Variants in TRRAP observed in about 807,000 individuals in gnomAD.
TRRAP encodes transformation/transcription domain-associated protein.
In TRRAP, 41 loss-of-function variants were observed where a neutral mutation model predicts 438.8. The ratio of observed to expected loss-of-function variants is 0.09; its 90% confidence interval spans 0.07 to 0.12. TRRAP has a LOEUF of 0.12. Ranked by LOEUF, TRRAP falls within the 10% of genes least tolerant of loss-of-function variation. The pLI, the probability that TRRAP is intolerant of heterozygous loss-of-function variation, is 1.00. For synonymous variants in TRRAP, 1,994 were observed against 1,962.9 expected (o/e 1.02, Z -0.42); for missense variants, 3,122 against 5,055.1 (o/e 0.62, Z 11.60).
intron 59 of TRRAP, 147 bp downstream of exon 59, chr7:98,982,107 C>T: frequency 1.3e-6 from 1 of 782,588 alleles, no homozygotes; most frequent in Non-Finnish European, 1.9e-6. Context: ...TACGCGTCCT[C>T]AGGAAAGGAA....
chr7:98,950,810 T>C, intron 38 of TRRAP, 66 bp from the exon 39 acceptor site: 1 of 1,460,486 alleles, frequency 6.8e-7, no homozygotes, highest in Non-Finnish European at 9.0e-7. Flanking sequence ...TAGCTGTTCT[T>C]CCCGTCTTAA....
chr7:98,949,857 C>T lies in TRRAP; in HGVS notation c.5135+16C>T, dbSNP rs530012785. 43 of 1,607,080 alleles carry T rather than the reference C, an allele frequency of 2.7e-5. 3 individuals are homozygous for T. The highest frequency in any genetic ancestry group is 2.4e-4 in the South Asian group (22 of 89,804). On this transcript the variant is annotated intron_variant, in intron 37 of 72. Coordinates refer to ENST00000456197, the MANE Select transcript of TRRAP (RefSeq NM_001375524.1). Reference sequence around the variant, plus strand: ...ACTACTGCAAGTGGGTGCCTCCTCCCGCCCTGCCCCGCGGGACTGGCTCTG... The same window carrying T: ...ACTACTGCAAGTGGGTGCCTCCTCCTGCCCTGCCCCGCGGGACTGGCTCTG...
intron 69 of TRRAP, among the ~76,000 whole-genome samples, chr7:99,007,747 C>T (rs1375629000): frequency 1.3e-5 from 2 of 151,974 alleles, no homozygotes; most frequent in South Asian, 4.1e-4. Flanking sequence ...CTCCTGGGCT[C>T]AAGCGATTCT....
Position 98,892,203 on chromosome 7 carries a change from A to G in TRRAP, c.262-221A>G, listed in dbSNP as rs575858416. On this transcript the variant is annotated intron_variant, in intron 4 of 72. Transcript: ENST00000456197. ...AATTGGCTTAGTCGATTTGGTACAGAGTTGTAGAAATACTGAAAATGATCA... is the reference window on the plus strand; with the variant it reads ...AATTGGCTTAGTCGATTTGGTACAGGGTTGTAGAAATACTGAAAATGATCA... 2.6e-5 allele frequency among the ~76,000 whole-genome samples: 4 copies of G among 152,290 alleles called. No individual in the cohort carries two copies. In the South Asian group the frequency reaches 8.3e-4, roughly 32 times the overall value.
rs782532431 is a variant in TRRAP at position 98,935,694 on chromosome 7, A to G, written c.4111+19A>G. The G allele has an allele frequency of 3.2e-6, 5 of 1,575,510 alleles. No individual in the cohort carries two copies. The highest frequency in any genetic ancestry group is 3.4e-5 in the Admixed American group (2 of 59,426). ...GCATTAAGTAAGTTAATGAAAATCT[A>G]CGGGGTATAAAAGTGAAAGGAGACT... On this transcript the variant is annotated intron_variant, in intron 28 of 72. Coordinates refer to ENST00000456197, the MANE Select transcript of TRRAP (RefSeq NM_001375524.1).
intron 20 of TRRAP, among the ~76,000 whole-genome samples, chr7:98,919,543 A>G (rs1789687912): frequency 1.3e-5 from 2 of 152,226 alleles, no homozygotes; most frequent in South Asian, 4.1e-4. Context: ...TTGAGGCTAC[A>G]GTGAGACATG....
chr7:98,892,647 A>G, intron 5 of TRRAP, 119 bp downstream of exon 5: 1 of 818,480 alleles, frequency 1.2e-6, no homozygotes, highest in Non-Finnish European at 1.9e-6. Flanking sequence ...TCCAAGTCAC[A>G]TGAGTAAAAA....
At chr7:98,940,171 A>G (rs974963711) in intron 30 of TRRAP, among the ~76,000 whole-genome samples, 17 of 151,098 alleles carry the variant, frequency 1.1e-4, no homozygotes, top group Admixed American at 2.6e-4. Context: ...GATGTGAGCC[A>G]TTGTGCCTGG....
chr7:98,909,590 C>G (rs1796965196), intron 14 of TRRAP, among the ~76,000 whole-genome samples: 1 of 152,192 alleles, frequency 6.6e-6, no homozygotes, highest in South Asian at 2.1e-4. Flanking sequence ...AAGTGCTAGA[C>G]TGGCTGTGGA....
At chr7:99,001,896 G>A (rs753514110) in intron 67 of TRRAP, among the ~76,000 whole-genome samples, 3 of 152,136 alleles carry the variant, frequency 2.0e-5, no homozygotes, top group Non-Finnish European at 4.4e-5. Flanking sequence ...CTCAAAACTG[G>A]AAACCATGCA....
In TRRAP at chr7:98,997,071, C is replaced by T. The variant is rs1216710901; in HGVS notation, c.10309+2223C>T. On this transcript the variant is annotated intron_variant, in intron 67 of 72. Coordinates refer to ENST00000456197, the MANE Select transcript of TRRAP (RefSeq NM_001375524.1). ...CTGTAATCCCAGCACTTTCAGAGGC[C>T]GAGGTGGGCGGGTCACTTGAGGTCA... 3.3e-5 allele frequency among the ~76,000 whole-genome samples: 5 copies of T among 151,878 alleles called. No individual in the cohort carries two copies. The East Asian group carries it at 5.8e-4, about 18-fold the overall frequency.
At chr7:99,008,332 C>T (rs755940898) in intron 69 of TRRAP, 45 bp from the exon 70 acceptor site, 13 of 1,587,010 alleles carry the variant, frequency 8.2e-6, no homozygotes, top group South Asian at 5.8e-5. Context: ...AGCACTGGCC[C>T]GCGGTCACCC....
At chr7:98,962,564 T>C in intron 47 of TRRAP, 137 bp downstream of exon 47, 1 of 1,516,370 alleles carries the variant, frequency 6.6e-7, no homozygotes, top group Non-Finnish European at 9.0e-7. Context: ...AGGTGTCTGT[T>C]GCCTGGGGCC....
chr7:98,932,849 A>G (rs1367440975), intron 26 of TRRAP, among the ~76,000 whole-genome samples: 4 of 152,168 alleles, frequency 2.6e-5, no homozygotes, highest in African/African-American at 7.2e-5. Flanking sequence ...GCAGAACCAC[A>G]GACACAGAGG....
chr7:98,893,772 A>T (rs782210828), intron 5 of TRRAP, 26 bp from the exon 6 acceptor site: 2 of 1,604,210 alleles, frequency 1.2e-6, no homozygotes, highest in Admixed American at 3.4e-5. Flanking sequence ...TCAGAAGTAT[A>T]ACTTTCATTA....
At position 98,994,220 on chromosome 7, in the gene TRRAP, G is replaced by A. The variant is rs567099577; in HGVS notation, c.10048-367G>A. On this transcript the variant is annotated intron_variant, in intron 66 of 72. Coordinates refer to ENST00000456197, the MANE Select transcript of TRRAP (RefSeq NM_001375524.1). This position sits in a 1 kb window ranked among gnomAD's most constrained non-coding sequence, Gnocchi z 4.8. ...GCCCCGGGGCCAGCTCCTTACTGCT[G>A]TGAAGTCTCGTGTGTGCACAGTGCA... is the stretch of plus-strand genomic sequence containing the variant. 6.5e-4 allele frequency among the ~76,000 whole-genome samples: 99 copies of A among 152,324 alleles called. No individual in the cohort carries two copies. The highest frequency in any genetic ancestry group is 2.2e-3 in the African/African-American group (93 of 41,572).
intron 64 of TRRAP, among the ~76,000 whole-genome samples, chr7:98,991,565 G>A (rs1355872658): frequency 6.6e-6 from 1 of 152,214 alleles, no homozygotes; most frequent in Non-Finnish European, 1.5e-5. Context: ...CGGCTTAGAT[G>A]TTATTCCTTT....
Position 98,908,923 on chromosome 7 carries a change from G to C in TRRAP, c.1311G>C (p.Glu437Asp). 6.2e-7 allele frequency: 1 copy of C among 1,613,906 alleles called. No homozygotes were observed. The highest frequency in any genetic ancestry group is 8.5e-7 in the Non-Finnish European group (1 of 1,179,918). ...GCATCCGTTCCAAGAGCGAGCAGGAGAGTGGCAATGGGAGAGACGTCCTGA... is the reference window on the plus strand; with the variant it reads ...GCATCCGTTCCAAGAGCGAGCAGGACAGTGGCAATGGGAGAGACGTCCTGA... ...VDCIRSKSEQ[E>D]SGNGRDVLMR... Residue 437 changes from glutamate to aspartate, a missense_variant, in exon 14 of 73, where the codon GAG becomes GAC. By Grantham distance (45) the Glu-to-Asp change is conservative (BLOSUM62 2). Coordinates refer to ENST00000456197, the MANE Select transcript of TRRAP (RefSeq NM_001375524.1). This position sits in a 1 kb window ranked among gnomAD's most constrained non-coding sequence, Gnocchi z 4.1.
At chr7:98,881,945 A>AT in intron 2 of TRRAP, 30 bp from the exon 3 acceptor site, 1 of 1,593,966 alleles carries the variant, frequency 6.3e-7, no homozygotes, top group African/African-American at 1.4e-5. Flanking sequence ...CATAATTTCA[A>AT]TTACCTGATG....
Sources: allele counts gnomAD v4.1 joint callset (sites outside exome capture counted in the v4.1 genomes callset), GRCh38; gene constraint gnomAD v4.1.1; non-coding constraint Gnocchi (gnomAD v3.1); transcripts MANE v1.5; gene names NCBI Gene and HGNC (gene_info 2026-07-23, HGNC 2026-07-21).